CDK8: variants seen among roughly 807,000 people sequenced by gnomAD.
The protein encoded by CDK8 is cyclin dependent kinase 8.
In CDK8, 29 loss-of-function variants were observed where a neutral mutation model predicts 71.5. That is an observed-to-expected ratio of 0.41 (90% confidence interval 0.30 to 0.55). The LOEUF is 0.55. Among genes scored for constraint, CDK8 ranks in the 20% least tolerant of loss-of-function variants. CDK8 has a pLI of 0.37. For missense variants in CDK8, 288 were observed against 572.6 expected, an observed-to-expected ratio of 0.50 and a Z score of 5.07; for synonymous variants, 161 against 192.1, an observed-to-expected ratio of 0.84 and a Z score of 1.34.
At chr13:26,263,817 G>A (rs1871896621) in intron 1 of CDK8, among the ~76,000 whole-genome samples, 1 of 150,102 alleles carries the variant, frequency 6.7e-6, no homozygotes, top group South Asian at 2.1e-4. Flanking sequence ...CACGATCTCG[G>A]CTCACTGCTA....
At chr13:26,263,396 AGTGCTGGGATTACAGGCGTGAGCCACC>A (rs1223068463) in intron 1 of CDK8, among the ~76,000 whole-genome samples, 1 of 152,076 alleles carries the variant, frequency 6.6e-6, no homozygotes, top group Non-Finnish European at 1.5e-5. Context: ...CAGCCTCCCA[AGTGCTGGGATTACAGGCGTGAGCCACC>A]GCGCCCGGCC....
At chr13:26,395,733 A>C (rs904004116) in intron 7 of CDK8, among the ~76,000 whole-genome samples, 3 of 152,152 alleles carry the variant, frequency 2.0e-5, no homozygotes, top group African/African-American at 7.2e-5. Context: ...ACTTATTAAT[A>C]TACTAATTAT....
intron 2 of CDK8, among the ~76,000 whole-genome samples, chr13:26,346,254 A>G (rs9579003): frequency 0.031 from 4,770 of 152,322 alleles, 240 homozygotes; most frequent in African/African-American, 0.11. Context: ...TACATGTCAC[A>G]TGCCTAGTAC....
At chr13:26,380,150 G>C (rs1377683411) in intron 4 of CDK8, among the ~76,000 whole-genome samples, 3 of 152,122 alleles carry the variant, frequency 2.0e-5, no homozygotes, top group Non-Finnish European at 2.9e-5. Context: ...ATGTAGGAGT[G>C]GGGGAGGACC....
intron 1 of CDK8, among the ~76,000 whole-genome samples, chr13:26,255,597 A>G (rs539347392): frequency 6.6e-6 from 1 of 152,346 alleles, no homozygotes; most frequent in African/African-American, 2.4e-5. Flanking sequence ...TCAGTAGATG[A>G]ATGTCTTGTA....
chr13:26,395,995 T>C (rs1875974103), intron 7 of CDK8, among the ~76,000 whole-genome samples: 1 of 152,184 alleles, frequency 6.6e-6, no homozygotes, highest in South Asian at 2.1e-4. Context: ...TAGAAATATG[T>C]ATAACTTATT....
At chr13:26,290,172 T>G (rs905573537) in intron 1 of CDK8, among the ~76,000 whole-genome samples, 1 of 152,218 alleles carries the variant, frequency 6.6e-6, no homozygotes, top group Non-Finnish European at 1.5e-5. Context: ...ATAGAGTATA[T>G]TTATTTCTAG....
intron 6 of CDK8, among the ~76,000 whole-genome samples, chr13:26,392,781 G>A (rs557865083): frequency 1.6e-4 from 25 of 152,158 alleles, no homozygotes; most frequent in Admixed American, 1.0e-3. Flanking sequence ...ATTCTTAGGC[G>A]TTTTGAGGTC....
At chr13:26,314,070 C>G (rs1360962470) in intron 1 of CDK8, among the ~76,000 whole-genome samples, 1 of 152,176 alleles carries the variant, frequency 6.6e-6, no homozygotes, top group Admixed American at 6.5e-5. Flanking sequence ...TCACTCCAAC[C>G]GCTTTGCTAA....
chr13:26,294,951 T>C (rs1873476116), intron 1 of CDK8, among the ~76,000 whole-genome samples: 1 of 152,100 alleles, frequency 6.6e-6, no homozygotes, highest in African/African-American at 2.4e-5. Context: ...GGTTTCACCA[T>C]GTTGGCCAGG....
rs1471701176 is a variant in CDK8, at chr13:26,349,140, G to A, written c.273G>A (p.Arg91=). The A allele has an allele frequency of 1.9e-6, 3 of 1,613,168 alleles. No homozygotes were observed. Among genetic ancestry groups the A allele is most frequent in the Non-Finnish European group, 8.5e-7 (1 of 1,179,422 alleles). ...LQKVFLSHAD[R]KVWLLFDYAE... ...AGGTGTTTCTGTCTCATGCTGATAG[G>A]AAGGTGTGGCTTCTGTTTGACTATG... Residue 91 remains arginine (R), a synonymous_variant, in exon 3 of 13, where the codon AGG becomes AGA. Transcript: ENST00000381527.
intron 1 of CDK8, among the ~76,000 whole-genome samples, chr13:26,262,428 T>C (rs1248419882): frequency 2.1e-4 from 32 of 152,172 alleles, no homozygotes; most frequent in Admixed American, 2.1e-3. Flanking sequence ...TGTTTGAAAA[T>C]CTTTTTTCTA....
At chr13:26,343,809 A>G (rs1873345879) in intron 2 of CDK8, among the ~76,000 whole-genome samples, 1 of 152,190 alleles carries the variant, frequency 6.6e-6, no homozygotes, top group African/African-American at 2.4e-5. Flanking sequence ...TCACTATTGT[A>G]ATAACACTTA....
intron 9 of CDK8, among the ~76,000 whole-genome samples, chr13:26,398,368 C>G (rs930283376): frequency 1.3e-5 from 2 of 152,102 alleles, no homozygotes; most frequent in African/African-American, 4.8e-5. Context: ...TTATTATTCT[C>G]CTTGATTCCC....
intron 1 of CDK8, among the ~76,000 whole-genome samples, chr13:26,312,669 C>A (rs1874342958): frequency 6.6e-6 from 1 of 152,222 alleles, no homozygotes; most frequent in Non-Finnish European, 1.5e-5. Flanking sequence ...TCCGCGGCTT[C>A]ATTCTTGAAG....
At chr13:26,398,121 C>T (rs896536701) in intron 9 of CDK8, among the ~76,000 whole-genome samples, 1 of 152,064 alleles carries the variant, frequency 6.6e-6, no homozygotes, top group South Asian at 2.1e-4. Flanking sequence ...TTTCTACTTA[C>T]TATTATATCA....
At chr13:26,299,044 T>C (rs1448906633) in intron 1 of CDK8, among the ~76,000 whole-genome samples, 2 of 152,352 alleles carry the variant, frequency 1.3e-5, no homozygotes, top group East Asian at 1.9e-4. Flanking sequence ...ATTTGGCCTT[T>C]TGAACTACCA....
chr13:26,316,880 TAA>T (rs1219394108), intron 1 of CDK8, among the ~76,000 whole-genome samples: 2 of 151,924 alleles, frequency 1.3e-5, no homozygotes, highest in Admixed American at 1.3e-4. Flanking sequence ...GTCAACTAGA[TAA>T]AGACTTTTAA....
chr13:26,329,789 C>G (rs913618925), intron 1 of CDK8, among the ~76,000 whole-genome samples: 1 of 152,118 alleles, frequency 6.6e-6, no homozygotes, highest in Non-Finnish European at 1.5e-5. Flanking sequence ...CAAGCCTGAG[C>G]CACTGCACCC....
Sources: gnomAD v4.1 joint callset for allele counts (sites outside exome capture counted in the v4.1 genomes callset) on GRCh38, gnomAD v4.1.1 for gene constraint, MANE v1.5 for transcripts, NCBI Gene and HGNC (gene_info 2026-07-23, HGNC 2026-07-21) for gene names.